Variants in FAT1 observed in about 807,000 individuals in gnomAD.
FAT1 encodes the protein FAT atypical cadherin 1.
A neutral mutation model predicts 329.8 loss-of-function variants in FAT1; 171 were observed. That is an observed-to-expected ratio of 0.52 (90% CI 0.46 to 0.59). The LOEUF is 0.59. FAT1 is among the 20% of genes least tolerant of loss of function. The probability of loss-of-function intolerance (pLI) is 0.00; values close to 1 mark genes in which losing one functional copy is unlikely to be tolerated. For missense variants in FAT1, 5,672 were observed against 5,774.4 expected (o/e 0.98, Z 0.57); for synonymous variants, 2,233 against 2,228.6 (o/e 1.00, Z -0.06).
chr4:186,691,123 A>G (rs748396206), intron 2 of FAT1, among the ~76,000 whole-genome samples: 2 of 152,192 alleles, frequency 1.3e-5, no homozygotes, highest in Non-Finnish European at 2.9e-5. Flanking sequence ...GTTAATATAA[A>G]TTGTAAAAAT....
At chr4:186,633,289 A>T (rs1740673067) in intron 7 of FAT1, among the ~76,000 whole-genome samples, 1 of 152,198 alleles carries the variant, frequency 6.6e-6, no homozygotes, top group Non-Finnish European at 1.5e-5. Context: ...AGCCAGGAGG[A>T]ATCCAAAAAA....
chr4:186,709,773 C>T lies in FAT1; in HGVS notation c.55G>A (p.Gly19Arg). ...AGTCGTTGGCTGCCATCACTGTCTC[C>T]AAAATGTTGGAAGAGAAGGAGCAGA... is the stretch of plus-strand genomic sequence containing the variant. ...LLLLLLFQHF[G>R]DSDGSQRLEQ... Residue 19 changes from glycine (G) to arginine (R), a missense_variant, in exon 2 of 27, where the codon GGA becomes AGA. Around this residue, in one of 2 missense-constraint regions of FAT1, gnomAD observed 3,966 missense variants for 3,915.2 expected, o/e 1.01. Coordinates refer to ENST00000441802, the MANE Select transcript of FAT1 (RefSeq NM_005245.4). 2.5e-6 allele frequency: 4 copies of T among 1,612,402 alleles called. No individual in the cohort carries two copies. The highest frequency in any genetic ancestry group is 3.4e-6 in the Non-Finnish European group (4 of 1,179,172).
rs111325234 is a variant in FAT1, at chr4:186,701,041, G to A, written c.3265+5522C>T. On this transcript the variant is annotated intron_variant, in intron 2 of 26. Coordinates refer to ENST00000441802, the MANE Select transcript of FAT1 (RefSeq NM_005245.4). ...GCTCCACAACGTGGGACGGCCCTGAGTCACGGTCCCCCGAGTTCCCATCCA... is the reference window on the plus strand; with the variant it reads ...GCTCCACAACGTGGGACGGCCCTGAATCACGGTCCCCCGAGTTCCCATCCA... Among the ~76,000 whole-genome samples the A allele has an allele frequency of 3.8e-3, 584 of 152,308 alleles. 1 individual carries two copies. The highest frequency in any genetic ancestry group is 0.012 in the African/African-American group (483 of 41,584).
chr4:186,627,300 T>C (rs917830331), intron 9 of FAT1, among the ~76,000 whole-genome samples: 3 of 134,580 alleles, frequency 2.2e-5, no homozygotes, highest in African/African-American at 5.8e-5. Flanking sequence ...GCGAGCTTCA[T>C]CAGCCGACAG....
intron 7 of FAT1, among the ~76,000 whole-genome samples, chr4:186,629,533 G>A (rs1740487149): frequency 6.6e-6 from 1 of 152,190 alleles, no homozygotes; most frequent in East Asian, 1.9e-4. Flanking sequence ...ATTTGGCACA[G>A]CGGAAATCAC....
upstream of FAT1, among the ~76,000 whole-genome samples, chr4:186,724,926 G>T (rs144100005): frequency 3.5e-3 from 530 of 152,312 alleles, 2 homozygotes; most frequent in African/African-American, 0.011. The surrounding 1 kb of genome is among the most constrained non-coding windows in gnomAD (Gnocchi z 5.3). Flanking sequence ...GTGTGAAAGA[G>T]AATTTCCTGG....
At chr4:186,675,782 A>AACACACACACACACACAC (rs66981811) in intron 2 of FAT1, among the ~76,000 whole-genome samples, 1 of 143,110 alleles carries the variant, frequency 7.0e-6, no homozygotes, top group Non-Finnish European at 1.5e-5. Flanking sequence ...CCCTGTCTAA[A>AACACACACACACACACAC]ACACACACAC....
intron 15 of FAT1, among the ~76,000 whole-genome samples, 167 bp from the exon 16 acceptor site, chr4:186,609,487 G>A (rs904999746): frequency 1.3e-5 from 2 of 152,090 alleles, no homozygotes; most frequent in African/African-American, 4.8e-5. Context: ...CACAATCTCG[G>A]CTCACTGCAA....
chr4:186,624,603 T>C (rs1740210278), intron 9 of FAT1, among the ~76,000 whole-genome samples: 1 of 152,244 alleles, frequency 6.6e-6, no homozygotes. Flanking sequence ...TATAACTCAA[T>C]GGTTACTGAA....
At position 186,620,238 on chromosome 4, in the gene FAT1, C is replaced by T. The variant is rs757248322; in HGVS notation, c.6348G>A (p.Val2116=). ...CATGATGTTCCTTGAGGTAGTAATG[C>T]ACTTCCCCGTTTCTGCCACTGTCTC... ...VDRDSGRNGE[V]HYYLKEHHEH... is the part of the protein sequence containing the mutation. The change falls in exon 10 of 27, where the codon GTG becomes GTA. Residue 2116 remains valine, a synonymous_variant. Transcript: ENST00000441802. The T allele has an allele frequency of 2.5e-6, 4 of 1,613,892 alleles. No homozygotes were observed. The African/African-American group carries it at 4.0e-5, about 16-fold the overall frequency.
intron 2 of FAT1, among the ~76,000 whole-genome samples, chr4:186,684,577 C>T (rs954752819): frequency 1.3e-5 from 2 of 152,204 alleles, no homozygotes; most frequent in African/African-American, 4.8e-5. Context: ...CTTTAGGACA[C>T]TTTAAATAAT....
intron 2 of FAT1, among the ~76,000 whole-genome samples, chr4:186,690,240 C>T: frequency 6.6e-6 from 1 of 152,172 alleles, no homozygotes; most frequent in East Asian, 1.9e-4. Context: ...CATTAGAATG[C>T]TGGTAATCTT....
chr4:186,617,673 A>C, intron 10 of FAT1, 35 bp downstream of exon 10: 1 of 1,490,096 alleles, frequency 6.7e-7, no homozygotes, highest in East Asian at 2.3e-5. Context: ...AATCATTTTA[A>C]ATTAATTAAA....
In FAT1 at chr4:186,636,645, C is replaced by A. The variant is rs367959722; in HGVS notation, c.3912G>T (p.Pro1304=). 1.2e-6 allele frequency: 2 copies of A among 1,613,898 alleles called. No homozygotes were observed. The change falls in exon 5 of 27, where the codon CCG becomes CCT. Residue 1304 remains proline (P), a synonymous_variant. Transcript: ENST00000441802. ...TCTTGGACGAAACCACTCCAGTTTT[C>A]GGTTCGATGAAAAATTTGCCATGCT... The part of the protein sequence containing the change: ...GNEHGKFFIE[P]KTGVVSSKRF...
intron 3 of FAT1, 141 bp downstream of exon 3, chr4:186,663,158 A>G: frequency 2.6e-6 from 2 of 775,292 alleles, no homozygotes; most frequent in South Asian, 3.8e-5. Context: ...TATCCAAAAT[A>G]AAGGCTTATT....
chr4:186,670,978 T>G (rs1742699760), intron 2 of FAT1, among the ~76,000 whole-genome samples: 1 of 152,188 alleles, frequency 6.6e-6, no homozygotes, highest in South Asian at 2.1e-4. Context: ...TCATGTAAGA[T>G]GTCAACAACG....
At chr4:186,639,533 G>A (rs1033362178) in intron 4 of FAT1, among the ~76,000 whole-genome samples, 189 bp downstream of exon 4, 1 of 152,162 alleles carries the variant, frequency 6.6e-6, no homozygotes, top group African/African-American at 2.4e-5. Context: ...GGTATTGAGG[G>A]ATAAAGGGGA....
chr4:186,610,241 TAA>T (rs1739339734), intron 14 of FAT1, among the ~76,000 whole-genome samples: 1 of 152,206 alleles, frequency 6.6e-6, no homozygotes, highest in Non-Finnish European at 1.5e-5. Flanking sequence ...TCATGATATT[TAA>T]ATTGCTTTTC....
chr4:186,593,127 G>A (rs1206036341), intron 26 of FAT1, among the ~76,000 whole-genome samples: 3 of 152,010 alleles, frequency 2.0e-5, no homozygotes, highest in African/African-American at 4.8e-5. Flanking sequence ...TCTGTGGTTC[G>A]CCACTCTTCC....
Sources: allele counts gnomAD v4.1 joint callset (sites outside exome capture counted in the v4.1 genomes callset), GRCh38; gene constraint gnomAD v4.1.1; regional missense constraint gnomAD v4.1.1; non-coding constraint Gnocchi (gnomAD v3.1); transcripts MANE v1.5; gene names NCBI Gene and HGNC (gene_info 2026-07-23, HGNC 2026-07-21).